TRIM49: variants seen among roughly 807,000 people sequenced by gnomAD.
TRIM49 encodes the protein tripartite motif-containing protein 49.
Under a neutral mutation model 27.4 loss-of-function variants are expected in TRIM49, and 5 were observed. The ratio of observed to expected loss-of-function variants is 0.18; its 90% CI spans 0.10 to 0.38. TRIM49 has a LOEUF of 0.38. Among genes scored for constraint, TRIM49 ranks in the 10% least tolerant of loss-of-function variants. The pLI, the probability that TRIM49 is intolerant of heterozygous loss-of-function variation, is 1.00. For missense variants in TRIM49, 188 were observed against 487.5 expected (o/e 0.39, Z 5.79); for synonymous variants, 69 against 166.0 (o/e 0.42, Z 4.49).
chr11:89,801,337 G>A (rs1949735865), intron 5 of TRIM49, among the ~76,000 whole-genome samples: 1 of 144,052 alleles, frequency 6.9e-6, no homozygotes, highest in African/African-American at 2.7e-5. Flanking sequence ...TGCAAACCTA[G>A]ATTCCCAAAA....
At chr11:89,777,557 T>C in the TRIM49 span, among the ~76,000 whole-genome samples, 1 of 145,340 alleles carries the variant, frequency 6.9e-6, no homozygotes, top group Admixed American at 7.0e-5. Flanking sequence ...TTTGGCACTC[T>C]AATCATAGCT....
chr11:89,770,673 C>T, the TRIM49 span, among the ~76,000 whole-genome samples: 141 of 139,780 alleles, frequency 1.0e-3, 12 homozygotes, highest in Non-Finnish European at 1.7e-3. Context: ...TCCTGGCTAA[C>T]ACGGTGAAAC....
In TRIM49 at chr11:89,802,892, C is replaced by G. The variant is rs539594977; in HGVS notation, c.507+806G>C. On this transcript the variant is annotated intron_variant, in intron 4 of 7. Transcript: ENST00000329758. ...ATATTTGTGTATTGACAATTTGACT[C>G]TCTTATTTGGATTGTATGATTTGTG... Among the ~76,000 whole-genome samples, 137 of 149,500 alleles carry G rather than the reference C, an allele frequency of 9.2e-4. 5 individuals are homozygous for G. Among genetic ancestry groups the G allele is most frequent in the Middle Eastern group, 3.4e-3 (1 of 292 alleles).
chr11:89,773,705 G>A, the TRIM49 span, among the ~76,000 whole-genome samples: 8 of 135,280 alleles, frequency 5.9e-5, 1 homozygote, highest in Non-Finnish European at 3.0e-5. Flanking sequence ...TTGGGAGGCC[G>A]AGGTGGGCAG....
chr11:89,799,843 C>G, intron 6 of TRIM49, 30 bp from the exon 7 acceptor site: 1 of 1,277,210 alleles, frequency 7.8e-7, no homozygotes, highest in South Asian at 1.3e-5. Flanking sequence ...GTTACAACAT[C>G]TACAGCCATA....
chr11:89,805,163 G>T (rs1292266807), intron 2 of TRIM49, among the ~76,000 whole-genome samples: 4 of 151,534 alleles, frequency 2.6e-5, no homozygotes, highest in Non-Finnish European at 5.9e-5. Flanking sequence ...TAAAGATATT[G>T]GGTCTTTTTA....
chr11:89,793,835 G>A (rs146402044), downstream of TRIM49, among the ~76,000 whole-genome samples: 15 of 152,046 alleles, frequency 9.9e-5, no homozygotes, highest in Admixed American at 3.3e-4. Flanking sequence ...TGCAAGACAG[G>A]GATACTCTTT....
chr11:89,807,529 T>C (rs1949797129), intron 1 of TRIM49, among the ~76,000 whole-genome samples: 2 of 150,936 alleles, frequency 1.3e-5, no homozygotes, highest in African/African-American at 2.5e-5. Context: ...TCTTCCATGA[T>C]ACAGGCATTC....
Position 89,803,579 on chromosome 11 carries a change from G to A in TRIM49, c.507+119C>T, listed in dbSNP as rs552592763. The A allele has an allele frequency of 1.2e-4, 186 of 1,519,554 alleles. 2 individuals are homozygous for A. The highest frequency in any genetic ancestry group is 2.0e-4 in the South Asian group (16 of 79,316). 94.1% of individuals were successfully genotyped at this position (1,519,554 alleles called of 1,614,324 possible). ...CCACTTTTTCTCAGTGTTTTCTCTC[G>A]CCTTTTTTTTTTTACTGTATCCCAG... On this transcript the variant is annotated intron_variant, in intron 4 of 7. Transcript: ENST00000329758.
the TRIM49 span, among the ~76,000 whole-genome samples, chr11:89,774,441 A>G: frequency 6.7e-6 from 1 of 149,884 alleles, no homozygotes; most frequent in Non-Finnish European, 1.5e-5. Flanking sequence ...ATCCCTTTCT[A>G]TGCAATCCAA....
At chr11:89,802,529 A>G (rs1423542544) in intron 4 of TRIM49, among the ~76,000 whole-genome samples, 2 of 150,956 alleles carry the variant, frequency 1.3e-5, no homozygotes, top group Non-Finnish European at 2.9e-5. Context: ...AAATTACTGC[A>G]TATGCTGTTC....
chr11:89,770,835 C>T, the TRIM49 span, among the ~76,000 whole-genome samples: 2 of 144,104 alleles, frequency 1.4e-5, no homozygotes, highest in African/African-American at 2.8e-5. Flanking sequence ...CACTGCACTC[C>T]AGCCTGGGTG....
chr11:89,781,651 C>T, the TRIM49 span, among the ~76,000 whole-genome samples: 1 of 120,636 alleles, frequency 8.3e-6, no homozygotes, highest in Non-Finnish European at 1.7e-5. Flanking sequence ...TAAATCATTA[C>T]TTTGCCCAGT....
At chr11:89,789,611 C>T in the TRIM49 span, 1 of 151,610 alleles carries the variant, frequency 6.6e-6, no homozygotes. Context: ...TTGTGGAGCT[C>T]CCACAAAGGG....
At chr11:89,796,339 C>T (rs1188647658), downstream of TRIM49, among the ~76,000 whole-genome samples, 4 of 148,868 alleles carry the variant, frequency 2.7e-5, no homozygotes, top group African/African-American at 1.0e-4. Flanking sequence ...CACGAGCCAT[C>T]GTGCTGCATC....
At chr11:89,772,319 T>C in the TRIM49 span, among the ~76,000 whole-genome samples, 1 of 133,700 alleles carries the variant, frequency 7.5e-6, no homozygotes, top group African/African-American at 3.5e-5. Context: ...CAGTAGGCTA[T>C]TGATAGCTAA....
chr11:89,805,556 G>A (rs144696310), intron 2 of TRIM49, among the ~76,000 whole-genome samples: 2,894 of 151,724 alleles, frequency 0.019, 72 homozygotes, highest in Middle Eastern at 0.055. Context: ...CCAGGATACC[G>A]GTATTCTCAG....
downstream of TRIM49, among the ~76,000 whole-genome samples, chr11:89,792,807 T>A (rs1378298982): frequency 1.3e-5 from 2 of 151,906 alleles, no homozygotes; most frequent in African/African-American, 4.8e-5. Context: ...GATCCAAAAT[T>A]GACACCCTAA....
At chr11:89,796,208 T>C (rs531546833), downstream of TRIM49, among the ~76,000 whole-genome samples, 79 of 152,144 alleles carry the variant, frequency 5.2e-4, no homozygotes, top group Non-Finnish European at 9.1e-4. Context: ...GCATTTATAA[T>C]ATATTGGTTT....
Sources: gnomAD v4.1 joint callset for allele counts (sites outside exome capture counted in the v4.1 genomes callset) on GRCh38, gnomAD v4.1.1 for gene constraint, MANE v1.5 for transcripts, NCBI Gene and HGNC (gene_info 2026-07-23, HGNC 2026-07-21) for gene names.